MAK: variants seen among roughly 807,000 people sequenced by gnomAD.
MAK encodes serine/threonine-protein kinase MAK.
A neutral mutation model predicts 82.6 loss-of-function variants in MAK; 65 were observed. The observed-to-expected ratio is 0.79, with a 90% CI of 0.64 to 0.97. MAK has a LOEUF of 0.97. Among genes scored for constraint, MAK ranks in the 50% least tolerant of loss-of-function variants. The pLI, the probability that MAK is intolerant of heterozygous loss-of-function variation, is 0.00. For synonymous variants in MAK, 250 were observed against 274.2 expected, an observed-to-expected ratio of 0.91 and a Z score of 0.87; for missense variants, 703 against 780.2, an observed-to-expected ratio of 0.90 and a Z score of 1.18.
At position 10,770,120 on chromosome 6, in the gene MAK, T is replaced by C; in HGVS notation, c.1783A>G (p.Thr595Ala). The change falls in exon 14 of 15, where the codon ACG (threonine) becomes GCG (alanine). Residue 595 changes from threonine (T) to alanine (A), a missense_variant. By Grantham distance (58) the Thr-to-Ala change is moderately conservative. Transcript: ENST00000354489. ...QRIHLAPLNATASEYTWNTKT... is the reference protein window; with the variant it reads ...QRIHLAPLNAAASEYTWNTKT... Reference sequence around the variant, plus strand: ...CTGAAGTTGTTCCTACCTGAAGCCGTTGCATTGAGAGGTGCTAAGTGGATC... The same window carrying C: ...CTGAAGTTGTTCCTACCTGAAGCCGCTGCATTGAGAGGTGCTAAGTGGATC... The C allele has an allele frequency of 1.2e-6, 2 of 1,614,188 alleles. No individual in the cohort carries two copies. Among genetic ancestry groups the C allele is most frequent in the Non-Finnish European group, 1.7e-6 (2 of 1,180,014 alleles).
At chr6:10,814,530 G>A (rs1777313891) in intron 4 of MAK, among the ~76,000 whole-genome samples, 1 of 151,616 alleles carries the variant, frequency 6.6e-6, no homozygotes, top group Admixed American at 6.6e-5. Flanking sequence ...TTAGCCAGGT[G>A]TGGTAGCGCA....
At chr6:10,770,477 A>G (rs1332555018) in intron 13 of MAK, among the ~76,000 whole-genome samples, 1 of 152,142 alleles carries the variant, frequency 6.6e-6, no homozygotes, top group Non-Finnish European at 1.5e-5. Flanking sequence ...ACAGTTAGTA[A>G]GAGACTGAGC....
rs1428296035 is a variant in MAK, at chr6:10,802,056, C to T, written c.667G>A (p.Asp223Asn). Residue 223 changes from aspartate to asparagine, a missense_variant, in exon 8 of 15, where the codon GAC (aspartate) becomes AAC (asparagine). Transcript: ENST00000354489. The stretch of plus-strand genomic sequence containing the variant: ...GCCAGCTGGTATCCTTCTGGCCAGT[C>T]ACTCTGTTTCAGGAATATATAAGTG... ...CQVLGTPKKS[D>N]WPEGYQLASS... 5 of 1,613,850 alleles carry T rather than the reference C, an allele frequency of 3.1e-6. No individual in the cohort carries two copies. Among genetic ancestry groups the T allele is most frequent in the Non-Finnish European group, 4.2e-6 (5 of 1,179,976 alleles).
chr6:10,813,130 ATATAAATTTTTTTTTTTTT>A (rs1777165289), intron 5 of MAK, among the ~76,000 whole-genome samples: 1 of 770 alleles, frequency 1.3e-3, no homozygotes, highest in Non-Finnish European at 2.6e-3. Context: ...ATATATATAT[ATATAAATTTTTTTTTTTTT>A]TTTTTTTTTT....
At chr6:10,815,496 G>A (rs1278004229) in intron 4 of MAK, among the ~76,000 whole-genome samples, 1 of 152,014 alleles carries the variant, frequency 6.6e-6, no homozygotes, top group Non-Finnish European at 1.5e-5. Flanking sequence ...GGTGGCACGT[G>A]CCTGCAGTCC....
At position 10,817,923 on chromosome 6, in the gene MAK, T is replaced by C; in HGVS notation, c.205A>G (p.Ile69Val). The C allele has an allele frequency of 7.0e-7, 1 of 1,420,084 alleles. No homozygotes were observed. Among genetic ancestry groups the C allele is most frequent in the Non-Finnish European group, 9.8e-7 (1 of 1,021,300 alleles). 88.0% of individuals were successfully genotyped at this position (1,420,084 alleles called of 1,614,324 possible). ...HANVIKLKEV[I>V]RENDHLYFIF... ...AAATAAAGATGGTCATTTTCTCTGA[T>C]AACTTCTTTCAATTTAATAACATTG... Residue 69 changes from isoleucine to valine, a missense_variant, in exon 4 of 15, where the codon ATC becomes GTC. Transcript: ENST00000354489.
At chr6:10,779,127 C>CAG (rs1773724375) in intron 11 of MAK, among the ~76,000 whole-genome samples, 1 of 20,004 alleles carries the variant, frequency 5.0e-5, no homozygotes, top group African/African-American at 1.6e-4. Flanking sequence ...CACTTCGTCT[C>CAG]AAAAAAAAAA....
intron 6 of MAK, among the ~76,000 whole-genome samples, chr6:10,806,505 ATTTTTTTTTTTT>A (rs70991049): frequency 2.6e-5 from 3 of 117,126 alleles, no homozygotes; most frequent in East Asian, 5.2e-4. Context: ...CACCCGTCTA[ATTTTTTTTTTTT>A]TTTTTTTTTT....
At chr6:10,769,501 C>T (rs528830289) in intron 14 of MAK, among the ~76,000 whole-genome samples, 1 of 152,288 alleles carries the variant, frequency 6.6e-6, no homozygotes, top group African/African-American at 2.4e-5. Context: ...AACCCTTCCC[C>T]CTGAATACTA....
chr6:10,768,347 G>C (rs1772660602), intron 14 of MAK, among the ~76,000 whole-genome samples: 1 of 152,084 alleles, frequency 6.6e-6, no homozygotes, highest in Non-Finnish European at 1.5e-5. Flanking sequence ...GGAGGCTGAG[G>C]CAGGTGAATC....
chr6:10,818,457 T>G (rs529357782), intron 3 of MAK, among the ~76,000 whole-genome samples: 1 of 152,050 alleles, frequency 6.6e-6, no homozygotes, highest in African/African-American at 2.4e-5. Context: ...CTACTAAAAA[T>G]ACAAAAATTA....
At chr6:10,806,335 T>TTTTTTGTTTTTGC (rs1246490213) in intron 6 of MAK, among the ~76,000 whole-genome samples, 1 of 11,420 alleles carries the variant, frequency 8.8e-5, no homozygotes, top group African/African-American at 1.3e-4. Flanking sequence ...CTGGCTAATT[T>TTTTTTGTTTTTGC]TTTTTGTTTT....
intron 6 of MAK, among the ~76,000 whole-genome samples, chr6:10,805,547 A>C (rs1032228694): frequency 6.6e-6 from 1 of 150,704 alleles, no homozygotes; most frequent in Non-Finnish European, 1.5e-5. Flanking sequence ...AGATCGTGCC[A>C]CTGCACTACA....
At chr6:10,825,081 C>T (rs1042418990) in intron 2 of MAK, among the ~76,000 whole-genome samples, 1 of 152,218 alleles carries the variant, frequency 6.6e-6, no homozygotes, top group South Asian at 2.1e-4. Context: ...AGAATTATCA[C>T]TAGCTGATAA....
At chr6:10,837,261 C>G (rs958528236) in intron 1 of MAK, among the ~76,000 whole-genome samples, 1 of 152,200 alleles carries the variant, frequency 6.6e-6, no homozygotes, top group Admixed American at 6.5e-5. Context: ...CCAAACTAAC[C>G]AAGTCGAAGT....
At chr6:10,802,680 T>G (rs1272533670) in intron 7 of MAK, 1 of 152,346 alleles carries the variant, frequency 6.6e-6, no homozygotes, top group East Asian at 1.9e-4. Context: ...CTGGGTTAAC[T>G]CTGAACAAAT....
intron 7 of MAK, chr6:10,802,672 G>C (rs1776111509): frequency 6.6e-6 from 1 of 152,302 alleles, no homozygotes; most frequent in Non-Finnish European, 1.5e-5. Flanking sequence ...GATGATACCT[G>C]GGTTAACTCT....
At chr6:10,773,993 C>G (rs566031066) in intron 12 of MAK, among the ~76,000 whole-genome samples, 2 of 152,178 alleles carry the variant, frequency 1.3e-5, no homozygotes, top group East Asian at 3.9e-4. Context: ...GCCACTGCAC[C>G]TGGCCAAAAC....
intron 2 of MAK, among the ~76,000 whole-genome samples, chr6:10,822,689 A>AGT (rs1778053625): frequency 6.6e-6 from 1 of 152,222 alleles, no homozygotes; most frequent in Non-Finnish European, 1.5e-5. Flanking sequence ...ATCTTTTGTC[A>AGT]TTTATTAATT....
Sources: gnomAD v4.1 joint callset for allele counts (sites outside exome capture counted in the v4.1 genomes callset) on GRCh38, gnomAD v4.1.1 for gene constraint, MANE v1.5 for transcripts, NCBI Gene and HGNC (gene_info 2026-07-23, HGNC 2026-07-21) for gene names.